Variants in CFAP61 observed in about 807,000 individuals in gnomAD.
CFAP61 encodes the protein cilia- and flagella-associated protein 61.
In CFAP61, 107 loss-of-function variants were observed where a neutral mutation model predicts 135.6. The observed-to-expected ratio is 0.79, with a 90% CI of 0.67 to 0.93. The LOEUF (loss-of-function observed/expected upper bound fraction) is 0.93. Ranked by LOEUF, CFAP61 falls within the 40% of genes least tolerant of loss-of-function variation. CFAP61 has a pLI of 0.00. For missense variants in CFAP61, 1,507 were observed against 1,556.2 expected (o/e 0.97, Z 0.53); for synonymous variants, 575 against 578.5 (o/e 0.99, Z 0.09).
intron 13 of CFAP61, among the ~76,000 whole-genome samples, chr20:20,181,314 T>C (rs1372030539): frequency 7.9e-6 from 1 of 127,336 alleles, no homozygotes; most frequent in Non-Finnish European, 1.8e-5. Context: ...ACCTTGTGTC[T>C]AAAACAATTC....
At chr20:20,279,830 G>A (rs1451278195) in intron 22 of CFAP61, among the ~76,000 whole-genome samples, 1 of 152,070 alleles carries the variant, frequency 6.6e-6, no homozygotes, top group Admixed American at 6.6e-5. Context: ...CATTTCCCAG[G>A]TTCCATTATT....
intron 17 of CFAP61, among the ~76,000 whole-genome samples, chr20:20,205,587 A>G (rs2056822102): frequency 6.6e-6 from 1 of 152,214 alleles, no homozygotes; most frequent in Admixed American, 6.5e-5. Context: ...GGTGACCCAC[A>G]GACGATTGCA....
chr20:20,279,730 T>C (rs1453151894), intron 22 of CFAP61, among the ~76,000 whole-genome samples: 1 of 152,208 alleles, frequency 6.6e-6, no homozygotes, highest in Non-Finnish European at 1.5e-5. Flanking sequence ...TAACACCGTC[T>C]GAGTCAGACA....
intron 17 of CFAP61, 122 bp downstream of exon 17, chr20:20,200,024 A>G: frequency 8.6e-7 from 1 of 1,166,670 alleles, no homozygotes; most frequent in Non-Finnish European, 1.2e-6. Context: ...CCTGGTGCTC[A>G]TACCCTTACA....
chr20:20,170,137 A>C (rs1167522185), intron 13 of CFAP61, among the ~76,000 whole-genome samples: 3 of 152,146 alleles, frequency 2.0e-5, no homozygotes, highest in Non-Finnish European at 4.4e-5. Flanking sequence ...ACATTGGGAG[A>C]GTTGGCCCAG....
intron 19 of CFAP61, among the ~76,000 whole-genome samples, chr20:20,249,202 G>A (rs2050696613): frequency 6.6e-6 from 1 of 152,150 alleles, no homozygotes; most frequent in Non-Finnish European, 1.5e-5. Context: ...ATTAAGGAAG[G>A]TCCAGAATGG....
intron 13 of CFAP61, among the ~76,000 whole-genome samples, chr20:20,177,367 A>G (rs1338197991): frequency 1.3e-5 from 2 of 152,146 alleles, no homozygotes; most frequent in Non-Finnish European, 2.9e-5. Flanking sequence ...ACTGGCTCAC[A>G]TAAGCAGGAG....
intron 7 of CFAP61, among the ~76,000 whole-genome samples, chr20:20,092,783 C>G (rs2047297162): frequency 6.6e-6 from 1 of 152,160 alleles, no homozygotes; most frequent in Non-Finnish European, 1.5e-5. Flanking sequence ...CAAAACCACA[C>G]TAAGATACCA....
rs748443064 is a variant in CFAP61, at chr20:20,196,639, GAAC to G, written c.1662_1664del (p.Glu554_His555delinsAsp). 8.7e-6 allele frequency: 14 copies of G among 1,614,012 alleles called. No homozygotes were observed. The highest frequency in any genetic ancestry group is 1.3e-5 in the African/African-American group (1 of 74,890). ...CTACTTCAGTCACCACCAGCGCGAAGAACACGGGCACATGCATCACTTTGCCCT... is the reference window on the plus strand; with the variant it reads ...CTACTTCAGTCACCACCAGCGCGAAGACGGGCACATGCATCACTTTGCCCT... On this transcript the variant is annotated inframe_deletion, in exon 16 of 27. Transcript: ENST00000245957.
At chr20:20,267,289 G>A (rs1350152255) in intron 21 of CFAP61, among the ~76,000 whole-genome samples, 1 of 152,230 alleles carries the variant, frequency 6.6e-6, no homozygotes, top group Non-Finnish European at 1.5e-5. Flanking sequence ...GGCAGCAGCA[G>A]GAGATGAAGC....
At chr20:20,139,193 C>T (rs1190618025) in intron 8 of CFAP61, among the ~76,000 whole-genome samples, 3 of 152,236 alleles carry the variant, frequency 2.0e-5, no homozygotes, top group Non-Finnish European at 4.4e-5. Flanking sequence ...AGATAAAGAG[C>T]GGGGTAGATC....
chr20:20,183,021 G>A (rs760192176), intron 13 of CFAP61, among the ~76,000 whole-genome samples: 6 of 152,122 alleles, frequency 3.9e-5, no homozygotes, highest in African/African-American at 4.8e-5. Context: ...TAGTTAAAGC[G>A]AAAACAAACA....
At chr20:20,342,609 T>C (rs1602106594) in intron 26 of CFAP61, among the ~76,000 whole-genome samples, 1 of 152,228 alleles carries the variant, frequency 6.6e-6, no homozygotes, top group African/African-American at 2.4e-5. Flanking sequence ...TGCCGGGGCC[T>C]GGGTTAGCTT....
At chr20:20,126,256 G>C (rs1047588455) in intron 8 of CFAP61, among the ~76,000 whole-genome samples, 1 of 151,718 alleles carries the variant, frequency 6.6e-6, no homozygotes, top group African/African-American at 2.4e-5. Flanking sequence ...GTTATTTGTT[G>C]TCTGTGTTCC....
At chr20:20,122,396 C>T (rs1338469572) in intron 8 of CFAP61, among the ~76,000 whole-genome samples, 1 of 152,132 alleles carries the variant, frequency 6.6e-6, no homozygotes, top group Non-Finnish European at 1.5e-5. Context: ...ACCTCGTGAT[C>T]TTCCCGCCTC....
chr20:20,320,090 G>A (rs1385820929), intron 25 of CFAP61, among the ~76,000 whole-genome samples: 1 of 151,534 alleles, frequency 6.6e-6, no homozygotes, highest in Non-Finnish European at 1.5e-5. Flanking sequence ...CAAACAGCCT[G>A]ATTCCCTCAA....
intron 26 of CFAP61, among the ~76,000 whole-genome samples, chr20:20,344,237 T>C (rs1020088082): frequency 2.0e-5 from 3 of 151,894 alleles, no homozygotes; most frequent in African/African-American, 7.3e-5. Flanking sequence ...CAGAGAGCTG[T>C]GGGGGAGTAG....
chr20:20,193,775 G>A lies in CFAP61; in HGVS notation c.1590+2356G>A, dbSNP rs1460058518. On this transcript the variant is annotated intron_variant, in intron 15 of 26. Coordinates refer to ENST00000245957, the MANE Select transcript of CFAP61 (RefSeq NM_015585.4). ...ATTACAGGTGTGCACCACCACGCAC[G>A]GCTAATTTTTGTATTTTTAGTAGAG... Among the ~76,000 whole-genome samples the A allele has an allele frequency of 3.3e-5, 5 of 152,090 alleles. No individual in the cohort carries two copies. The East Asian group carries it at 9.7e-4, about 29-fold the overall frequency.
In CFAP61 at chr20:20,071,468, C is replaced by T. The variant is rs370125499; in HGVS notation, c.294+464C>T. On this transcript the variant is annotated intron_variant, in intron 3 of 26. Transcript: ENST00000245957. ...TTATTTGATGTCTTCTAGCTGCTGA[C>T]ACATGACAACTTGTCAGCCAACAGA... Among the ~76,000 whole-genome samples the T allele has an allele frequency of 1.6e-4, 24 of 152,316 alleles. 1 individual carries two copies. Among genetic ancestry groups the T allele is most frequent in the African/African-American group, 4.8e-4 (20 of 41,576 alleles).
Sources: allele counts gnomAD v4.1 joint callset (sites outside exome capture counted in the v4.1 genomes callset), GRCh38; gene constraint gnomAD v4.1.1; transcripts MANE v1.5; gene names NCBI Gene and HGNC (gene_info 2026-07-23, HGNC 2026-07-21).